The following PCDHA3 variants were observed in gnomAD, a reference collection of about 807,000 sequenced individuals.
PCDHA3 encodes the protein protocadherin alpha-3.
A neutral mutation model predicts 62.2 loss-of-function variants in PCDHA3; 41 were observed. The ratio of observed to expected loss-of-function variants is 0.66; its 90% CI spans 0.51 to 0.86. The LOEUF (loss-of-function observed/expected upper bound fraction) is 0.86, where lower values mean the gene tolerates loss of function less well. PCDHA3 is among the 40% of genes least tolerant of loss of function. The pLI, the probability that PCDHA3 is intolerant of heterozygous loss-of-function variation, is 0.00. For synonymous variants in PCDHA3, 640 were observed against 555.4 expected, an observed-to-expected ratio of 1.15 and a Z score of -2.14; for missense variants, 1,304 against 1,241.2, an observed-to-expected ratio of 1.05 and a Z score of -0.76.
At position 140,802,816 on chromosome 5, in the gene PCDHA3, C is replaced by G. The variant is rs991420459; in HGVS notation, c.1619C>G (p.Ala540Gly). ...LLQFQVSARD[A>G]GVPPLGSNVT... ...CAGTTCCAGGTGAGTGCGCGCGATG[C>G]GGGCGTGCCGCCTCTGGGCAGCAAC... Residue 540 changes from alanine to glycine, a missense_variant, in exon 1 of 4, where the codon GCG becomes GGG. Ala to Gly is a moderately conservative substitution (Grantham distance 60). Transcript: ENST00000522353. 11 of 1,613,234 alleles carry G rather than the reference C, an allele frequency of 6.8e-6. No individual in the cohort carries two copies. The highest frequency in any genetic ancestry group is 3.3e-5 in the Admixed American group (2 of 60,000).
chr5:140,805,358 T>G, intron 1 of PCDHA3: 1 of 1,194,716 alleles, frequency 8.4e-7, no homozygotes, highest in Non-Finnish European at 1.0e-6. Context: ...AAATATAGTT[T>G]GGGTCCCCAC....
chr5:140,928,399 T>C (rs1554205848), intron 1 of PCDHA3: 1 of 1,613,926 alleles, frequency 6.2e-7, no homozygotes, highest in African/African-American at 1.3e-5. Flanking sequence ...AGTGGAATCA[T>C]CCAGTGGGGC....
At chr5:140,881,918 A>G (rs1263343700) in intron 1 of PCDHA3, 3 of 252,356 alleles carry the variant, frequency 1.2e-5, no homozygotes, top group Non-Finnish European at 2.3e-5. Flanking sequence ...TGTTGAGCAG[A>G]ATGCAGTGAT....
Position 141,009,779 on chromosome 5 carries a change from A to G in PCDHA3, c.2695A>G (p.Ile899Val), listed in dbSNP as rs1289763016. 3.7e-6 allele frequency: 6 copies of G among 1,613,952 alleles called. No individual in the cohort carries two copies. Among genetic ancestry groups the G allele is most frequent in the Non-Finnish European group, 5.1e-6 (6 of 1,180,030 alleles). ...CCCAGGATCTCCTGCAATCATCTCCATCCGGCAGGAGCCTACTAACAGCCA... is the reference window on the plus strand; with the variant it reads ...CCCAGGATCTCCTGCAATCATCTCCGTCCGGCAGGAGCCTACTAACAGCCA... ...IIPGSPAIIS[I>V]RQEPTNSQID... The change falls in exon 4 of 4, where the codon ATC becomes GTC. Residue 899 changes from isoleucine to valine, a missense_variant. Coordinates refer to ENST00000522353, the MANE Select transcript of PCDHA3 (RefSeq NM_018906.3).
intron 1 of PCDHA3, chr5:140,807,915 A>G (rs1764063263): frequency 6.2e-7 from 1 of 1,614,012 alleles, no homozygotes; most frequent in Non-Finnish European, 8.5e-7. Context: ...CCAGCTTTTG[A>G]CAGAACCATT....
chr5:140,856,891 C>G (rs1432277991), intron 1 of PCDHA3: 3 of 1,595,930 alleles, frequency 1.9e-6, no homozygotes, highest in African/African-American at 2.7e-5. Context: ...ATTCATTTAG[C>G]TCTTTGGTCC....
intron 1 of PCDHA3, chr5:140,861,384 C>G (rs1354784257): frequency 2.5e-5 from 11 of 437,330 alleles, no homozygotes; most frequent in African/African-American, 2.2e-4. Context: ...TGCGCAGGAC[C>G]TGGGTCTGGA....
chr5:140,876,330 A>G, intron 1 of PCDHA3: 2 of 1,614,042 alleles, frequency 1.2e-6, no homozygotes, highest in Admixed American at 1.7e-5. Flanking sequence ...TGATTTTGCC[A>G]GTGAGTGAGA....
At chr5:140,973,342 A>ATAGTAATT (rs1437052159) in intron 1 of PCDHA3, among the ~76,000 whole-genome samples, 4 of 152,344 alleles carry the variant, frequency 2.6e-5, no homozygotes, top group Admixed American at 2.6e-4. Context: ...GTAAAGTGAC[A>ATAGTAATT]TAGTAGTGAA....
At chr5:140,851,471 A>C in intron 1 of PCDHA3, 1 of 893,552 alleles carries the variant, frequency 1.1e-6, no homozygotes, top group African/African-American at 1.8e-5. Context: ...ATGTCAATAA[A>C]TGTTATAAAC....
intron 1 of PCDHA3, chr5:140,822,558 TA>T: frequency 1.9e-6 from 3 of 1,613,478 alleles, no homozygotes; most frequent in Non-Finnish European, 2.5e-6. Context: ...CATTAGTTAT[TA>T]AACTGAACGC....
intron 1 of PCDHA3, among the ~76,000 whole-genome samples, chr5:140,879,621 T>G (rs1050176793): frequency 5.9e-5 from 9 of 152,076 alleles, no homozygotes; most frequent in African/African-American, 2.2e-4. Context: ...GGTACTTAGG[T>G]GGGTAAGTGT....
chr5:140,920,429 C>T (rs2079631906), intron 1 of PCDHA3, among the ~76,000 whole-genome samples: 1 of 152,136 alleles, frequency 6.6e-6, no homozygotes. Flanking sequence ...TTCTCCCACA[C>T]ACCTCTTTTA....
chr5:140,836,192 CA>C, intron 1 of PCDHA3: 1 of 1,613,846 alleles, frequency 6.2e-7, no homozygotes, highest in Non-Finnish European at 8.5e-7. Flanking sequence ...ACTCAGGCTA[CA>C]ACGCGTGGCT....
intron 1 of PCDHA3, chr5:140,858,194 T>C: frequency 1.9e-6 from 3 of 1,596,986 alleles, no homozygotes; most frequent in Non-Finnish European, 1.7e-6. Context: ...GCTGCTGCTG[T>C]ACACTGCACT....
At chr5:140,947,610 C>T (rs989640335) in intron 1 of PCDHA3, among the ~76,000 whole-genome samples, 3 of 151,562 alleles carry the variant, frequency 2.0e-5, no homozygotes, top group South Asian at 2.1e-4. Flanking sequence ...GATTTGGTAT[C>T]TTAACAATAT....
Position 140,986,130 on chromosome 5 carries a change from G to T in PCDHA3, c.2542+3567G>T, listed in dbSNP as rs150350316. ...AGATAAAGATGCCACACTCTGAAAGGATCAACAAGGGCATCACCAAGTAAT... is the reference window on the plus strand; with the variant it reads ...AGATAAAGATGCCACACTCTGAAAGTATCAACAAGGGCATCACCAAGTAAT... On this transcript the variant is annotated intron_variant, in intron 3 of 3. Coordinates refer to ENST00000522353, the MANE Select transcript of PCDHA3 (RefSeq NM_018906.3). 8.5e-5 allele frequency among the ~76,000 whole-genome samples: 13 copies of T among 152,216 alleles called. 1 individual carries two copies. The East Asian group carries it at 2.5e-3, about 29-fold the overall frequency.
chr5:140,842,686 C>T lies in PCDHA3; in HGVS notation c.2394+39095C>T, dbSNP rs2150342048. Reference sequence around the variant, plus strand: ...ACGTGAACGACAATGCTCCGGCGTTCGCGCAGCCCGAGTACACGGTGTTCG... The same window carrying T: ...ACGTGAACGACAATGCTCCGGCGTTTGCGCAGCCCGAGTACACGGTGTTCG... On this transcript the variant is annotated intron_variant, in intron 1 of 3. Transcript: ENST00000522353. 1.9e-6 allele frequency: 3 copies of T among 1,595,316 alleles called. 1 individual carries two copies. The South Asian group carries it at 3.3e-5, about 18-fold the overall frequency.
rs1554168487 is a variant in PCDHA3 at position 140,876,335 on chromosome 5, G to A, written c.2394+72744G>A. ...GGGATCAAAATGATTTTGCCAGTGA[G>A]TGAGAAATGTATGTTTTCAATAAAT... On this transcript the variant is annotated intron_variant, in intron 1 of 3. Transcript: ENST00000522353. 3 of 1,614,034 alleles carry A rather than the reference G, an allele frequency of 1.9e-6. No individual in the cohort carries two copies. The highest frequency in any genetic ancestry group is 4.5e-5 in the East Asian group (2 of 44,894).
Sources: allele counts gnomAD v4.1 joint callset (sites outside exome capture counted in the v4.1 genomes callset), GRCh38; gene constraint gnomAD v4.1.1; transcripts MANE v1.5; gene names NCBI Gene and HGNC (gene_info 2026-07-23, HGNC 2026-07-21).